Variants in CDH4 observed in about 807,000 individuals in gnomAD.
CDH4 encodes the protein cadherin 4, also known as cadherin-4.
In CDH4, 33 loss-of-function variants were observed where a neutral mutation model predicts 86.0. The ratio of observed to expected loss-of-function variants is 0.38; its 90% CI spans 0.29 to 0.51. The LOEUF (loss-of-function observed/expected upper bound fraction) is 0.51, where lower values mean the gene tolerates loss of function less well. Among genes scored for constraint, CDH4 ranks in the 20% least tolerant of loss-of-function variants. The probability of loss-of-function intolerance (pLI) is 0.86; values close to 1 mark genes in which losing one functional copy is unlikely to be tolerated. For missense variants in CDH4, 1,114 were observed against 1,307.4 expected (o/e 0.85, Z 2.28); for synonymous variants, 555 against 549.4 (o/e 1.01, Z -0.14).
At chr20:61,303,917 C>T (rs1254578836) in intron 2 of CDH4, among the ~76,000 whole-genome samples, 3 of 152,290 alleles carry the variant, frequency 2.0e-5, no homozygotes, top group Admixed American at 1.3e-4. Flanking sequence ...TTAGGCAACA[C>T]GTGCACCTCC....
rs192631320 is a variant in CDH4 at position 61,650,208 on chromosome 20, T to C, written c.170-93355T>C. ...ATCCATCAGCGGCTCTGTATCCCAT[T>C]TGGAGTGAAATCAGAAGAATCTCTT... On this transcript the variant is annotated intron_variant, in intron 2 of 15. Transcript: ENST00000614565. Among the ~76,000 whole-genome samples the C allele has an allele frequency of 3.9e-5, 6 of 152,346 alleles. No individual in the cohort carries two copies. The East Asian group carries it at 1.2e-3, about 29-fold the overall frequency.
intron 2 of CDH4, among the ~76,000 whole-genome samples, chr20:61,463,075 G>A (rs1437961234): frequency 2.0e-5 from 3 of 152,134 alleles, no homozygotes; most frequent in Non-Finnish European, 4.4e-5. Flanking sequence ...GAGGTCTGAC[G>A]GTTTTTTAAA....
At chr20:61,277,910 G>C (rs960403677) in intron 2 of CDH4, among the ~76,000 whole-genome samples, 2 of 152,212 alleles carry the variant, frequency 1.3e-5, no homozygotes, top group Non-Finnish European at 2.9e-5. Context: ...CTCTGGTTCC[G>C]ACTTGGAACT....
At chr20:61,769,137 C>G (rs1476820885) in intron 3 of CDH4, among the ~76,000 whole-genome samples, 2 of 152,220 alleles carry the variant, frequency 1.3e-5, no homozygotes, top group South Asian at 4.1e-4. Flanking sequence ...GCTGCCTGCC[C>G]TCGTGCAGGC....
intron 2 of CDH4, among the ~76,000 whole-genome samples, chr20:61,613,940 A>G (rs770381866): frequency 2.5e-4 from 38 of 152,018 alleles, no homozygotes; most frequent in South Asian, 4.2e-4. Context: ...AAATGTTTGT[A>G]TGTCTTGGGT....
At chr20:61,731,535 G>C (rs146926215) in intron 2 of CDH4, among the ~76,000 whole-genome samples, 1 of 152,206 alleles carries the variant, frequency 6.6e-6, no homozygotes, top group Non-Finnish European at 1.5e-5. Flanking sequence ...GTGAAGCAGA[G>C]GCTTCAGGGC....
At chr20:61,713,947 G>A (rs535922730) in intron 2 of CDH4, among the ~76,000 whole-genome samples, 6 of 152,220 alleles carry the variant, frequency 3.9e-5, no homozygotes, top group South Asian at 4.2e-4. Context: ...TCACCCCAGC[G>A]GGACTCAGCA....
At chr20:61,657,489 T>A (rs549861888) in intron 2 of CDH4, among the ~76,000 whole-genome samples, 3 of 152,350 alleles carry the variant, frequency 2.0e-5, no homozygotes, top group African/African-American at 7.2e-5. Flanking sequence ...TGCCCTTTTT[T>A]CTCATTTACC....
chr20:61,308,783 T>A (rs1297666565), intron 2 of CDH4, among the ~76,000 whole-genome samples: 4 of 152,200 alleles, frequency 2.6e-5, no homozygotes, highest in African/African-American at 9.6e-5. Flanking sequence ...GCAGGAAGAT[T>A]TCTGGAGGTT....
chr20:61,297,071 C>G (rs1416640460), intron 2 of CDH4, among the ~76,000 whole-genome samples: 2 of 152,138 alleles, frequency 1.3e-5, no homozygotes, highest in African/African-American at 4.8e-5. Flanking sequence ...ATTAGGGGTT[C>G]CTAACAAGGA....
chr20:61,802,911 C>G (rs1979907357), intron 4 of CDH4, among the ~76,000 whole-genome samples: 1 of 152,240 alleles, frequency 6.6e-6, no homozygotes, highest in African/African-American at 2.4e-5. Context: ...CGCAGGCTGG[C>G]TCTCGCTGGA....
At chr20:61,686,452 CGT>C (rs144237468) in intron 2 of CDH4, among the ~76,000 whole-genome samples, 13 of 146,412 alleles carry the variant, frequency 8.9e-5, no homozygotes, top group Admixed American at 2.0e-4. Context: ...CGTGTGCATT[CGT>C]GTGTGTGCAT....
chr20:61,522,562 T>G (rs2085877836), intron 2 of CDH4, among the ~76,000 whole-genome samples: 1 of 152,278 alleles, frequency 6.6e-6, no homozygotes, highest in Non-Finnish European at 1.5e-5. Context: ...TTCATTTATA[T>G]TAGCTTTTAT....
intron 6 of CDH4, among the ~76,000 whole-genome samples, chr20:61,857,556 C>G (rs1367937355): frequency 6.6e-6 from 1 of 152,270 alleles, no homozygotes; most frequent in East Asian, 1.9e-4. Context: ...TAGGGGCCCC[C>G]CATGTGGAGG....
Position 61,830,859 on chromosome 20 carries a change from A to G in CDH4, c.577-13809A>G, listed in dbSNP as rs113259370. Among the ~76,000 whole-genome samples the G allele has an allele frequency of 6.2e-3, 940 of 152,280 alleles. 4 individuals carry two copies. The highest frequency in any genetic ancestry group is 0.015 in the South Asian group (70 of 4,824). ...GTCTCGGAGCTGCAGGAGCTTGCCA[A>G]CTGCCCACCTCCGCTCCTCTCTCCT... On this transcript the variant is annotated intron_variant, in intron 4 of 15. Transcript: ENST00000614565.
At chr20:61,567,481 A>G (rs2086308061) in intron 2 of CDH4, among the ~76,000 whole-genome samples, 1 of 152,124 alleles carries the variant, frequency 6.6e-6, no homozygotes, top group Admixed American at 6.5e-5. Context: ...CTCTTTTATA[A>G]TGTAATTAAC....
intron 2 of CDH4, among the ~76,000 whole-genome samples, chr20:61,565,062 TTGG>T (rs140113205): frequency 2.5e-4 from 25 of 101,244 alleles, no homozygotes; most frequent in Admixed American, 4.1e-4. Context: ...GGTGGTGCTC[TTGG>T]TGGTGGTGGT....
At chr20:61,547,220 TTTTG>T (rs1439907740) in intron 2 of CDH4, among the ~76,000 whole-genome samples, 9 of 93,564 alleles carry the variant, frequency 9.6e-5, no homozygotes, top group Non-Finnish European at 1.9e-4. Context: ...TTTTTTTTTT[TTTTG>T]CCCCCTGAGA....
intron 6 of CDH4, among the ~76,000 whole-genome samples, chr20:61,872,600 G>A (rs1172386713): frequency 6.6e-6 from 1 of 152,188 alleles, no homozygotes. Context: ...GGCACCAGCA[G>A]CTCTCCTCTG....
Sources: allele counts gnomAD v4.1 joint callset (sites outside exome capture counted in the v4.1 genomes callset), GRCh38; gene constraint gnomAD v4.1.1; transcripts MANE v1.5; gene names NCBI Gene and HGNC (gene_info 2026-07-23, HGNC 2026-07-21).